PABPC4L: variants seen among roughly 807,000 people sequenced by gnomAD.
PABPC4L encodes poly(A) binding protein cytoplasmic 4 like.
For missense variants in PABPC4L, 452 were observed against 451.4 expected (o/e 1.00, Z -0.01); for synonymous variants, 169 against 164.1 (o/e 1.03, Z -0.23).
chr4:133,981,723 A>G, the PABPC4L span, among the ~76,000 whole-genome samples: 2 of 152,012 alleles, frequency 1.3e-5, no homozygotes, highest in African/African-American at 4.8e-5. Flanking sequence ...AAACTCAAAA[A>G]TGAACACTAA....
the PABPC4L span, among the ~76,000 whole-genome samples, chr4:134,173,370 T>C: frequency 1.2e-4 from 19 of 152,118 alleles, no homozygotes; most frequent in East Asian, 3.5e-3. Context: ...AAGTGGCACA[T>C]ATACACATTA....
chr4:133,971,593 G>A, the PABPC4L span, among the ~76,000 whole-genome samples: 1 of 152,044 alleles, frequency 6.6e-6, no homozygotes, highest in Non-Finnish European at 1.5e-5. Context: ...ATATCACTCA[G>A]CAACCAAAAT....
chr4:134,092,187 T>C, the PABPC4L span, among the ~76,000 whole-genome samples: 1 of 151,914 alleles, frequency 6.6e-6, no homozygotes, highest in Non-Finnish European at 1.5e-5. Flanking sequence ...TCCACATCTT[T>C]ATTTTTCCCA....
chr4:134,135,091 C>G, the PABPC4L span, among the ~76,000 whole-genome samples: 1 of 152,110 alleles, frequency 6.6e-6, no homozygotes, highest in Non-Finnish European at 1.5e-5. Flanking sequence ...ATTTGCCCTA[C>G]TGAACCTCAA....
the PABPC4L span, among the ~76,000 whole-genome samples, chr4:134,136,660 T>C: frequency 3.3e-5 from 5 of 152,144 alleles, no homozygotes; most frequent in Non-Finnish European, 7.4e-5. Flanking sequence ...ATCTGCATTC[T>C]AGAAATATAT....
At chr4:134,027,451 A>G in the PABPC4L span, among the ~76,000 whole-genome samples, 1 of 152,144 alleles carries the variant, frequency 6.6e-6, no homozygotes, top group Non-Finnish European at 1.5e-5. Context: ...TTGTGTATAT[A>G]TACTACATTT....
the PABPC4L span, among the ~76,000 whole-genome samples, chr4:134,151,424 G>A: frequency 7.2e-5 from 11 of 152,030 alleles, no homozygotes; most frequent in African/African-American, 2.2e-4. Context: ...TCATCAAAAC[G>A]ATCATATTAT....
At chr4:134,189,792 C>T in the PABPC4L span, among the ~76,000 whole-genome samples, 8 of 152,106 alleles carry the variant, frequency 5.3e-5, no homozygotes, top group Middle Eastern at 3.4e-3. Context: ...ACCCTTCCTT[C>T]GTATGGAATA....
At position 134,200,617 on chromosome 4, in the gene PABPC4L, C is replaced by T. The variant is rs1729830535; in HGVS notation, c.403G>A (p.Gly135Ser). ...TGCACAAATGCATAGCCCTTGGAGC[C>T]TTGATCATCACTCATCACCTTGGAG... ...LSSKVMSDDQ[G>S]SKGYAFVHFQ... Residue 135 changes from glycine to serine, a missense_variant, in exon 2 of 2, where the codon GGC becomes AGC. Gly to Ser is a moderately conservative substitution (Grantham distance 56). Coordinates refer to ENST00000421491, the MANE Select transcript of PABPC4L (RefSeq NM_001114734.2). The T allele has an allele frequency of 3.2e-6, 5 of 1,551,618 alleles. No homozygotes were observed. The highest frequency in any genetic ancestry group is 1.7e-4 in the Middle Eastern group (1 of 5,992).
the PABPC4L span, among the ~76,000 whole-genome samples, chr4:134,013,772 T>C: frequency 1.3e-5 from 2 of 151,932 alleles, no homozygotes; most frequent in African/African-American, 4.8e-5. Context: ...ACCCCAAGTG[T>C]CACTAAGTCT....
chr4:134,154,457 A>T, the PABPC4L span, among the ~76,000 whole-genome samples: 1 of 152,070 alleles, frequency 6.6e-6, no homozygotes, highest in Non-Finnish European at 1.5e-5. Flanking sequence ...CTCTGTTTAA[A>T]AAATAAATAA....
chr4:134,008,064 G>A, the PABPC4L span, among the ~76,000 whole-genome samples: 1 of 151,644 alleles, frequency 6.6e-6, no homozygotes, highest in Admixed American at 6.6e-5. Flanking sequence ...ATTTCTAGGA[G>A]ATCATCTAGT....
At chr4:134,125,399 T>G in the PABPC4L span, among the ~76,000 whole-genome samples, 1 of 152,174 alleles carries the variant, frequency 6.6e-6, no homozygotes, top group Non-Finnish European at 1.5e-5. Context: ...GCCATGCTGT[T>G]GTGTTGCACC....
chr4:134,044,557 C>T, the PABPC4L span, among the ~76,000 whole-genome samples: 56 of 152,256 alleles, frequency 3.7e-4, 3 homozygotes, highest in East Asian at 3.5e-3. Flanking sequence ...AGCCACCAGG[C>T]CCGGCCATTT....
chr4:134,100,933 T>C, the PABPC4L span, among the ~76,000 whole-genome samples: 1 of 151,734 alleles, frequency 6.6e-6, no homozygotes, highest in African/African-American at 2.4e-5. Context: ...TATAAAATAA[T>C]AATTTTAGTG....
the PABPC4L span, among the ~76,000 whole-genome samples, chr4:133,985,680 G>A: frequency 2.0e-5 from 3 of 152,000 alleles, no homozygotes; most frequent in Admixed American, 6.6e-5. Context: ...AAATTGAGTT[G>A]TCAGGTAGTA....
the PABPC4L span, among the ~76,000 whole-genome samples, chr4:134,126,973 C>A: frequency 2.0e-5 from 3 of 152,062 alleles, no homozygotes; most frequent in African/African-American, 7.2e-5. Context: ...TGGCTGAGAG[C>A]CGTATGGGCG....
At chr4:134,005,465 A>G in the PABPC4L span, among the ~76,000 whole-genome samples, 2 of 151,920 alleles carry the variant, frequency 1.3e-5, no homozygotes, top group Admixed American at 6.6e-5. Context: ...AGTGAAGAGG[A>G]TATGAATAAT....
the PABPC4L span, among the ~76,000 whole-genome samples, chr4:134,147,035 T>A: frequency 2.6e-5 from 4 of 152,122 alleles, no homozygotes; most frequent in South Asian, 4.1e-4. Context: ...ATCAGTGAAG[T>A]GTACTTTATT....
Sources: allele counts gnomAD v4.1 joint callset (sites outside exome capture counted in the v4.1 genomes callset), GRCh38; gene constraint gnomAD v4.1.1; transcripts MANE v1.5; gene names NCBI Gene and HGNC (gene_info 2026-07-23, HGNC 2026-07-21).